The following APBA1 variants were observed in gnomAD, a reference collection of about 807,000 sequenced individuals.
The protein encoded by APBA1 is amyloid beta precursor protein binding family A member 1, also known as amyloid-beta A4 precursor protein-binding family A member 1.
Under a neutral mutation model 86.6 loss-of-function variants are expected in APBA1, and 55 were observed. The observed-to-expected ratio is 0.64, with a 90% CI of 0.51 to 0.80. APBA1 has a LOEUF of 0.80. APBA1 is among the 30% of genes least tolerant of loss of function. The pLI is 0.00. For synonymous variants in APBA1, 511 were observed against 493.9 expected (o/e 1.03, Z -0.46); for missense variants, 1,090 against 1,183.0 (o/e 0.92, Z 1.15).
At chr9:69,641,922 T>C (rs917706560) in intron 1 of APBA1, among the ~76,000 whole-genome samples, 3 of 152,192 alleles carry the variant, frequency 2.0e-5, no homozygotes, top group East Asian at 1.9e-4. Context: ...CTCGGCTCAC[T>C]GCAACTTCCG....
intron 1 of APBA1, among the ~76,000 whole-genome samples, chr9:69,593,920 T>A (rs1822180149): frequency 6.6e-6 from 1 of 152,246 alleles, no homozygotes; most frequent in African/African-American, 2.4e-5. Context: ...CCTTGATTAC[T>A]CAACTTTTAC....
chr9:69,566,296 C>T (rs1263909016), intron 1 of APBA1, among the ~76,000 whole-genome samples: 2 of 152,168 alleles, frequency 1.3e-5, no homozygotes, highest in Admixed American at 6.5e-5. Flanking sequence ...TCCCTTTGTC[C>T]TGGGTCTGCA....
At chr9:69,505,394 CAT>C (rs1835942806) in intron 2 of APBA1, among the ~76,000 whole-genome samples, 1 of 152,036 alleles carries the variant, frequency 6.6e-6, no homozygotes, top group South Asian at 2.1e-4. Flanking sequence ...CAGTCTTCTC[CAT>C]GTTTGAAAAA....
At chr9:69,431,981 AATGAATGACAGCAGTG>A (rs959599450) in intron 12 of APBA1, among the ~76,000 whole-genome samples, 1 of 138,226 alleles carries the variant, frequency 7.2e-6, no homozygotes, top group Non-Finnish European at 1.5e-5. Context: ...AGCAGTGATA[AATGAATGACAGCAGTG>A]ATGACTGACA....
intron 1 of APBA1, among the ~76,000 whole-genome samples, chr9:69,599,607 T>C (rs111777803): frequency 3.3e-5 from 5 of 152,224 alleles, no homozygotes; most frequent in African/African-American, 4.8e-5. Flanking sequence ...GTAGGGATTA[T>C]AGAACTTTCA....
intron 1 of APBA1, among the ~76,000 whole-genome samples, chr9:69,580,932 C>G (rs562806725): frequency 6.6e-6 from 1 of 152,254 alleles, no homozygotes; most frequent in African/African-American, 2.4e-5. Flanking sequence ...CTTTTGAAGG[C>G]CCCTGATGGG....
intron 5 of APBA1, among the ~76,000 whole-genome samples, chr9:69,458,725 G>T (rs951736460): frequency 6.6e-6 from 1 of 151,068 alleles, no homozygotes; most frequent in Non-Finnish European, 1.5e-5. Context: ...AATTTCCACT[G>T]CAATTTCTTA....
chr9:69,441,263 C>T, intron 10 of APBA1, 148 bp from the exon 11 acceptor site: 1 of 961,688 alleles, frequency 1.0e-6, no homozygotes, highest in Non-Finnish European at 1.5e-6. Flanking sequence ...GGTGCCTGGG[C>T]TGGTACAGTC....
chr9:69,620,306 G>A (rs1822790377), intron 1 of APBA1, among the ~76,000 whole-genome samples: 1 of 152,184 alleles, frequency 6.6e-6, no homozygotes, highest in Non-Finnish European at 1.5e-5. Context: ...GAGGATATAA[G>A]GTACACACTA....
intron 1 of APBA1, among the ~76,000 whole-genome samples, chr9:69,535,645 T>C (rs1198395388): frequency 5.3e-5 from 8 of 152,298 alleles, no homozygotes; most frequent in Admixed American, 3.9e-4. Flanking sequence ...TCAGAGCTTC[T>C]GGAATGATCC....
intron 1 of APBA1, among the ~76,000 whole-genome samples, chr9:69,656,391 C>G (rs899203433): frequency 1.3e-5 from 2 of 152,138 alleles, no homozygotes; most frequent in African/African-American, 2.4e-5. Flanking sequence ...TATATTCACA[C>G]AATGGATTAA....
intron 1 of APBA1, among the ~76,000 whole-genome samples, chr9:69,564,142 C>A (rs191913674): frequency 5.8e-4 from 88 of 152,272 alleles, no homozygotes; most frequent in Admixed American, 2.6e-3. Flanking sequence ...GTTTCAGGAT[C>A]ACAGGCTTAC....
chr9:69,555,715 T>C (rs1029207941), intron 1 of APBA1, among the ~76,000 whole-genome samples: 3 of 152,224 alleles, frequency 2.0e-5, no homozygotes, highest in African/African-American at 7.2e-5. Context: ...TAAAGTAGAA[T>C]TTTAGCAATG....
chr9:69,620,753 C>T (rs1329688622), intron 1 of APBA1, among the ~76,000 whole-genome samples: 1 of 152,172 alleles, frequency 6.6e-6, no homozygotes, highest in Non-Finnish European at 1.5e-5. Flanking sequence ...CCCAAGGGGT[C>T]CGAAAGTGGC....
chr9:69,435,480 C>T (rs200616157), intron 11 of APBA1, among the ~76,000 whole-genome samples: 14,996 of 151,594 alleles, frequency 0.099, 889 homozygotes, highest in East Asian at 0.28. Context: ...TTTTAATGAT[C>T]GCCATTCTAA....
intron 1 of APBA1, among the ~76,000 whole-genome samples, chr9:69,573,034 C>T (rs1448381934): frequency 2.6e-5 from 4 of 152,054 alleles, no homozygotes; most frequent in Non-Finnish European, 5.9e-5. Flanking sequence ...GTGGTGTGCA[C>T]CTGTACTCCC....
chr9:69,468,870 CTT>C (rs5898082), intron 4 of APBA1, among the ~76,000 whole-genome samples: 1 of 147,182 alleles, frequency 6.8e-6, no homozygotes, highest in Admixed American at 6.7e-5. Context: ...TATTTTCTTT[CTT>C]TTTTTTTTTT....
intron 1 of APBA1, among the ~76,000 whole-genome samples, chr9:69,594,835 T>C (rs971349508): frequency 6.6e-6 from 1 of 152,100 alleles, no homozygotes; most frequent in Non-Finnish European, 1.5e-5. Context: ...TTAAGAATAA[T>C]GTTTTGGAGT....
intron 1 of APBA1, among the ~76,000 whole-genome samples, chr9:69,636,803 A>AAG (rs34367635): frequency 3.3e-4 from 5 of 15,314 alleles, no homozygotes; most frequent in African/African-American, 7.4e-4. Context: ...TCAAAAAAAG[A>AAG]AGAGAGAGAG....
Sources: gnomAD v4.1 joint callset for allele counts (sites outside exome capture counted in the v4.1 genomes callset) on GRCh38, gnomAD v4.1.1 for gene constraint, MANE v1.5 for transcripts, NCBI Gene and HGNC (gene_info 2026-07-23, HGNC 2026-07-21) for gene names.